BZW2: variants seen among roughly 807,000 people sequenced by gnomAD.
The protein encoded by BZW2 is basic leucine zipper and W2 domains 2.
Under a neutral mutation model 53.2 loss-of-function variants are expected in BZW2, and 23 were observed. That is an observed-to-expected ratio of 0.43 (90% CI 0.31 to 0.61). The LOEUF (loss-of-function observed/expected upper bound fraction) is 0.61. Ranked by LOEUF, BZW2 falls within the 20% of genes least tolerant of loss-of-function variation. The pLI is 0.09. For missense variants in BZW2, 409 were observed against 503.1 expected, an observed-to-expected ratio of 0.81 and a Z score of 1.79; for synonymous variants, 227 against 186.4, an observed-to-expected ratio of 1.22 and a Z score of -1.77.
At chr7:16,668,086 GC>G (rs1326397220) in intron 2 of BZW2, among the ~76,000 whole-genome samples, 1 of 152,198 alleles carries the variant, frequency 6.6e-6, no homozygotes, top group Non-Finnish European at 1.5e-5. Context: ...GCTAATATAT[GC>G]CCAGCTATGA....
intron 6 of BZW2, among the ~76,000 whole-genome samples, chr7:16,688,945 G>A (rs971269094): frequency 6.6e-6 from 1 of 152,042 alleles, no homozygotes; most frequent in Admixed American, 6.5e-5. Context: ...GCTTTTTATG[G>A]CTGCGTGCAA....
intron 7 of BZW2, among the ~76,000 whole-genome samples, chr7:16,692,051 T>A (rs893194899): frequency 3.3e-5 from 5 of 152,212 alleles, no homozygotes; most frequent in African/African-American, 1.2e-4. Context: ...AACTAGTGAG[T>A]CAGTTCCACT....
intron 7 of BZW2, among the ~76,000 whole-genome samples, chr7:16,691,239 G>T (rs945133885): frequency 2.0e-5 from 3 of 152,190 alleles, no homozygotes; most frequent in Admixed American, 1.3e-4. Context: ...ACCACAAGCT[G>T]CAGAGCCAGT....
intron 1 of BZW2, among the ~76,000 whole-genome samples, chr7:16,650,769 C>T (rs968153093): frequency 6.6e-6 from 1 of 152,144 alleles, no homozygotes; most frequent in Non-Finnish European, 1.5e-5. Flanking sequence ...GGCCATGGCG[C>T]TCTTTAGCAA....
chr7:16,672,736 A>C (rs914304281), intron 2 of BZW2, among the ~76,000 whole-genome samples: 2 of 152,102 alleles, frequency 1.3e-5, no homozygotes. Context: ...ACTTCTTATC[A>C]ACAGTATATG....
intron 1 of BZW2, among the ~76,000 whole-genome samples, chr7:16,651,780 C>A (rs919376053): frequency 6.6e-6 from 1 of 152,122 alleles, no homozygotes; most frequent in African/African-American, 2.4e-5. Context: ...CTTTTCCCCC[C>A]CACCGCTTAA....
At chr7:16,688,849 A>G (rs1038480085) in intron 6 of BZW2, among the ~76,000 whole-genome samples, 1 of 149,260 alleles carries the variant, frequency 6.7e-6, no homozygotes, top group Non-Finnish European at 1.5e-5. Flanking sequence ...TAACTAGCTT[A>G]ATAATGATTT....
chr7:16,668,860 T>A (rs1249172673), intron 2 of BZW2, among the ~76,000 whole-genome samples: 1 of 152,208 alleles, frequency 6.6e-6, no homozygotes, highest in Non-Finnish European at 1.5e-5. Context: ...ATGAAACACA[T>A]CTCACTTATG....
chr7:16,704,482 C>A, intron 10 of BZW2, 65 bp from the exon 11 acceptor site: 1 of 1,418,148 alleles, frequency 7.1e-7, no homozygotes, highest in South Asian at 1.6e-5. Context: ...AACTGTAATA[C>A]ATGAAGTTGT....
chr7:16,660,752 T>TG (rs2128352498), intron 1 of BZW2, among the ~76,000 whole-genome samples: 1 of 152,264 alleles, frequency 6.6e-6, no homozygotes, highest in East Asian at 1.9e-4. Flanking sequence ...AAGGGATCAG[T>TG]AGTGGCTACT....
chr7:16,698,027 TA>T lies in BZW2; in HGVS notation c.970-20del, dbSNP rs758867714. The T allele has an allele frequency of 6.2e-7, 1 of 1,613,750 alleles. No homozygotes were observed. The highest frequency in any genetic ancestry group is 8.5e-7 in the Non-Finnish European group (1 of 1,179,724). ...TACCTCCCACGCAAGTGACGGCTTT[TA>T]CTCTCCACTTCTGTTCTAGCAATAT... On this transcript the variant is annotated intron_variant, in intron 9 of 11. Coordinates refer to ENST00000258761, the MANE Select transcript of BZW2 (RefSeq NM_014038.3).
chr7:16,648,354 C>A (rs1431891008), intron 1 of BZW2, among the ~76,000 whole-genome samples: 1 of 152,080 alleles, frequency 6.6e-6, no homozygotes, highest in Non-Finnish European at 1.5e-5. Context: ...AATATTATAC[C>A]CACTTTGCAA....
intron 2 of BZW2, among the ~76,000 whole-genome samples, chr7:16,667,298 A>AC (rs1272792376): frequency 1.3e-5 from 2 of 152,018 alleles, no homozygotes; most frequent in African/African-American, 4.8e-5. Flanking sequence ...AAAAACAAAA[A>AC]AAAAAACGCT....
chr7:16,658,499 G>T (rs1355239427), intron 1 of BZW2, among the ~76,000 whole-genome samples: 1 of 152,058 alleles, frequency 6.6e-6, no homozygotes, highest in African/African-American at 2.4e-5. Context: ...CTTTCTCATG[G>T]TGCCTTTATG....
chr7:16,671,930 C>CAAAAAAAAAAAAAAAA (rs56356463), intron 2 of BZW2, among the ~76,000 whole-genome samples: 4 of 99,400 alleles, frequency 4.0e-5, no homozygotes, highest in African/African-American at 1.3e-4. Context: ...GACCCTGTTT[C>CAAAAAAAAAAAAAAAA]AAAAAAAAAA....
At chr7:16,674,653 C>T in intron 3 of BZW2, 65 bp downstream of exon 3, 1 of 1,280,764 alleles carries the variant, frequency 7.8e-7, no homozygotes. Context: ...GAAGTATTTC[C>T]TTATAAGATA....
intron 1 of BZW2, among the ~76,000 whole-genome samples, chr7:16,646,664 A>T (rs1781871896): frequency 6.6e-6 from 1 of 152,122 alleles, no homozygotes. Context: ...TAGGGGTCGC[A>T]AGGACAGCGC....
chr7:16,666,405 A>ATT (rs1554265409), intron 2 of BZW2, among the ~76,000 whole-genome samples: 1 of 150,254 alleles, frequency 6.7e-6, no homozygotes, highest in African/African-American at 2.5e-5. Context: ...TTATTTATTT[A>ATT]TTTATTTATT....
rs144431361 is a variant in BZW2, at chr7:16,658,883, G to GTA, written c.-7-6538_-7-6537dup. On this transcript the variant is annotated intron_variant, in intron 1 of 11. Transcript: ENST00000258761. ...GAGCAAGAATCCGTCTCAGAAAAAT[G>GTA]TATATATATATATATATTTATATGT... Among the ~76,000 whole-genome samples, 735 of 145,988 alleles carry GTA rather than the reference G, an allele frequency of 5.0e-3. 4 individuals carry two copies. The highest frequency in any genetic ancestry group is 7.1e-3 in the Middle Eastern group (2 of 282).
Sources: gnomAD v4.1 joint callset for allele counts (sites outside exome capture counted in the v4.1 genomes callset) on GRCh38, gnomAD v4.1.1 for gene constraint, MANE v1.5 for transcripts, NCBI Gene and HGNC (gene_info 2026-07-23, HGNC 2026-07-21) for gene names.